Variants in KANK1 observed in about 807,000 individuals in gnomAD.
The protein encoded by KANK1 is KN motif and ankyrin repeat domain-containing protein 1.
In KANK1, 109 loss-of-function variants were observed where a neutral mutation model predicts 106.2. The ratio of observed to expected loss-of-function variants is 1.03; its 90% CI spans 0.88 to 1.20. The LOEUF (loss-of-function observed/expected upper bound fraction) is 1.20, where lower values mean the gene tolerates loss of function less well. KANK1 is among the 50% of genes most tolerant of loss of function. The probability of loss-of-function intolerance (pLI) is 0.00; values close to 1 mark genes in which losing one functional copy is unlikely to be tolerated. For synonymous variants in KANK1, 873 were observed against 652.2 expected (o/e 1.34, Z -5.16); for missense variants, 2,399 against 1,710.7 (o/e 1.40, Z -7.10).
At chr9:628,171 C>T (rs996369930) in intron 1 of KANK1, among the ~76,000 whole-genome samples, 5 of 152,100 alleles carry the variant, frequency 3.3e-5, no homozygotes, top group South Asian at 2.1e-4. Flanking sequence ...TCTTGAAGTC[C>T]GAAAACAAGT....
intron 2 of KANK1, chr9:707,252 G>A (rs1824557940): frequency 3.0e-6 from 3 of 985,788 alleles, no homozygotes; most frequent in Non-Finnish European, 1.2e-6. Context: ...CACGTGGTAG[G>A]TGAGCTGCGA....
intron 1 of KANK1, among the ~76,000 whole-genome samples, chr9:517,170 C>T (rs550823426): frequency 6.6e-5 from 10 of 151,932 alleles, no homozygotes; most frequent in South Asian, 2.1e-4. Context: ...AGTGCAGTGG[C>T]GTGATCTCAG....
At chr9:480,757 A>G (rs1032474127) in intron 3 of KANK1, among the ~76,000 whole-genome samples, 3 of 152,190 alleles carry the variant, frequency 2.0e-5, no homozygotes, top group African/African-American at 7.2e-5. Flanking sequence ...GTTGTGGGGA[A>G]GATCTCCACA....
In KANK1 at chr9:730,958, A is replaced by C. The variant is rs190291637; in HGVS notation, c.2897-200A>C. On this transcript the variant is annotated intron_variant, in intron 4 of 11. Coordinates refer to ENST00000382297, the MANE Select transcript of KANK1 (RefSeq NM_015158.5). ...GGAAGGACTAATTGATTTTTTTCCC[A>C]TGTGAAGAATGTTATTAATGGAACT... 20 of 379,076 alleles carry C rather than the reference A, an allele frequency of 5.3e-5. No individual in the cohort carries two copies. In the East Asian group the frequency reaches 1.0e-3, roughly 19 times the overall value. 23.5% of individuals were successfully genotyped at this position (379,076 alleles called of 1,614,324 possible).
Position 745,303 on chromosome 9 carries a change from G to C in KANK1, c.*68G>C, listed in dbSNP as rs377271475. On this transcript the variant is annotated 3_prime_UTR_variant, in exon 12 of 12. Coordinates refer to ENST00000382297, the MANE Select transcript of KANK1 (RefSeq NM_015158.5). ...GCTAATTGTTCCTGTTGGGGTGACA[G>C]ATACTGAATGTATACGTATTGTGCC... 2.0e-4 allele frequency: 313 copies of C among 1,581,102 alleles called. No homozygotes were observed. The highest frequency in any genetic ancestry group is 2.6e-4 in the Non-Finnish European group (298 of 1,150,564).
intron 1 of KANK1, among the ~76,000 whole-genome samples, chr9:665,778 A>T (rs149337436): frequency 6.6e-6 from 1 of 152,308 alleles, no homozygotes; most frequent in Non-Finnish European, 1.5e-5. Flanking sequence ...TATTCTTTCA[A>T]TCCATGAGCA....
chr9:474,959 A>T (rs1564107369), intron 3 of KANK1, among the ~76,000 whole-genome samples: 1 of 152,118 alleles, frequency 6.6e-6, no homozygotes, highest in Non-Finnish European at 1.5e-5. Flanking sequence ...AGTGCAGGAG[A>T]GGGCCCCCCA....
At chr9:666,549 T>C (rs1235771605) in intron 1 of KANK1, among the ~76,000 whole-genome samples, 1 of 152,202 alleles carries the variant, frequency 6.6e-6, no homozygotes, top group African/African-American at 2.4e-5. Context: ...TTTTAGGTTT[T>C]CCCTGTTTGG....
chr9:698,663 T>G lies in KANK1; in HGVS notation c.38-12141T>G, dbSNP rs75852932. On this transcript the variant is annotated intron_variant, in intron 2 of 11. Transcript: ENST00000382297. ...CTGGCTAGCCCAGATGCAGACAGTGTCAAAGTTCTCATTGTGGAATACCAC... is the reference window on the plus strand; with the variant it reads ...CTGGCTAGCCCAGATGCAGACAGTGGCAAAGTTCTCATTGTGGAATACCAC... Among the ~76,000 whole-genome samples the G allele has an allele frequency of 1.0e-2, 1,519 of 152,250 alleles. 32 individuals are homozygous for G. The highest frequency in any genetic ancestry group is 0.034 in the African/African-American group (1,429 of 41,532).
chr9:579,334 G>A (rs1821424001), intron 1 of KANK1, among the ~76,000 whole-genome samples: 1 of 152,138 alleles, frequency 6.6e-6, no homozygotes, highest in South Asian at 2.1e-4. Context: ...ACAAACTTGG[G>A]GAGGATGTTA....
intron 2 of KANK1, among the ~76,000 whole-genome samples, chr9:689,045 A>C (rs1264325399): frequency 1.3e-5 from 2 of 152,176 alleles, no homozygotes; most frequent in East Asian, 3.9e-4. Flanking sequence ...GTAGTAATCT[A>C]AGTTAAGGTC....
intron 3 of KANK1, among the ~76,000 whole-genome samples, chr9:475,832 A>C (rs2058093195): frequency 6.6e-6 from 1 of 152,098 alleles, no homozygotes; most frequent in Non-Finnish European, 1.5e-5. Flanking sequence ...TTAAGAGTCT[A>C]GCACCTTTTT....
intron 1 of KANK1, among the ~76,000 whole-genome samples, chr9:560,532 G>C: frequency 6.6e-6 from 1 of 152,218 alleles, no homozygotes; most frequent in Non-Finnish European, 1.5e-5. Context: ...GCACAGCCAG[G>C]AGCGAAATGT....
intron 1 of KANK1, among the ~76,000 whole-genome samples, chr9:508,635 A>G (rs1371313653): frequency 6.6e-6 from 1 of 151,696 alleles, no homozygotes; most frequent in Non-Finnish European, 1.5e-5. Flanking sequence ...CATGCTCTAC[A>G]CAGACTCACA....
intron 1 of KANK1, among the ~76,000 whole-genome samples, chr9:551,713 T>G (rs558062735): frequency 6.6e-6 from 1 of 151,870 alleles, no homozygotes; most frequent in African/African-American, 2.4e-5. Context: ...CTGACGACAT[T>G]AAAAAGATAC....
chr9:512,230 AGTGTGT>A (rs71678968), intron 1 of KANK1, among the ~76,000 whole-genome samples: 4 of 136,896 alleles, frequency 2.9e-5, no homozygotes, highest in Non-Finnish European at 4.6e-5. Context: ...CATAACCAAT[AGTGTGT>A]GTGTGTGTGT....
chr9:728,931 G>C (rs1349847518), intron 3 of KANK1, among the ~76,000 whole-genome samples: 1 of 152,162 alleles, frequency 6.6e-6, no homozygotes, highest in Non-Finnish European at 1.5e-5. Flanking sequence ...ATTGATTTGT[G>C]TTTGCCTGTA....
intron 1 of KANK1, among the ~76,000 whole-genome samples, chr9:667,082 T>A (rs1386823997): frequency 6.6e-6 from 1 of 151,818 alleles, no homozygotes; most frequent in Non-Finnish European, 1.5e-5. Flanking sequence ...ATCCTCGACT[T>A]TTCTTTGATA....
chr9:640,063 C>G (rs1321375931), intron 1 of KANK1, among the ~76,000 whole-genome samples: 2 of 152,104 alleles, frequency 1.3e-5, no homozygotes, highest in South Asian at 4.2e-4. Flanking sequence ...GTCTCTCAGA[C>G]CTCGTTGTAC....
Sources: allele counts gnomAD v4.1 joint callset (sites outside exome capture counted in the v4.1 genomes callset), GRCh38; gene constraint gnomAD v4.1.1; transcripts MANE v1.5; gene names NCBI Gene and HGNC (gene_info 2026-07-23, HGNC 2026-07-21).